Variants in SUCLG2 observed in about 807,000 individuals in gnomAD.
SUCLG2 encodes the protein succinate--CoA ligase [GDP-forming] subunit beta, mitochondrial.
Under a neutral mutation model 47.9 loss-of-function variants are expected in SUCLG2, and 42 were observed. The ratio of observed to expected loss-of-function variants is 0.88; its 90% CI spans 0.69 to 1.14. The LOEUF (loss-of-function observed/expected upper bound fraction) is 1.14. SUCLG2 is among the 50% of genes most tolerant of loss of function. SUCLG2 has a pLI of 0.00. For missense variants in SUCLG2, 571 were observed against 525.9 expected, an observed-to-expected ratio of 1.09 and a Z score of -0.84; for synonymous variants, 195 against 197.3, an observed-to-expected ratio of 0.99 and a Z score of 0.10.
At chr3:67,404,507 A>G (rs1484909172) in intron 9 of SUCLG2, among the ~76,000 whole-genome samples, 1 of 152,192 alleles carries the variant, frequency 6.6e-6, no homozygotes, top group African/African-American at 2.4e-5. Context: ...GATTTCTACA[A>G]GAAGAGCAAC....
chr3:67,533,745 T>C (rs1425167153), intron 2 of SUCLG2, among the ~76,000 whole-genome samples: 2 of 152,210 alleles, frequency 1.3e-5, no homozygotes, highest in Non-Finnish European at 2.9e-5. Context: ...GAGTTACCAA[T>C]CTTCAATCAT....
At chr3:67,362,163 A>G (rs1351039597) in intron 10 of SUCLG2, among the ~76,000 whole-genome samples, 10 of 152,276 alleles carry the variant, frequency 6.6e-5, no homozygotes, top group African/African-American at 2.4e-4. Flanking sequence ...AATCTGATAT[A>G]CTTTCCAACA....
At chr3:67,522,121 C>T (rs550773878) in intron 4 of SUCLG2, among the ~76,000 whole-genome samples, 4 of 151,994 alleles carry the variant, frequency 2.6e-5, no homozygotes, top group African/African-American at 7.3e-5. Context: ...ATGGCACAAT[C>T]GTGGCTCACT....
chr3:67,585,767 A>T (rs1707997756), intron 2 of SUCLG2, among the ~76,000 whole-genome samples: 1 of 151,994 alleles, frequency 6.6e-6, no homozygotes, highest in African/African-American at 2.4e-5. Context: ...GTTCAAGACC[A>T]GCCTGGCTGA....
intron 1 of SUCLG2, among the ~76,000 whole-genome samples, chr3:67,636,247 G>A (rs888304297): frequency 2.6e-5 from 4 of 152,122 alleles, no homozygotes; most frequent in Admixed American, 1.3e-4. Flanking sequence ...TATGCAGACA[G>A]CCTGAGAGCT....
chr3:67,397,380 C>T lies in SUCLG2; in HGVS notation c.1183+3351G>A, dbSNP rs1245345427. ...CACAAGCATTCTTATACACCAATAA[C>T]AGACAGAGAGCCAAATCATGAGTGA... On this transcript the variant is annotated intron_variant, in intron 10 of 10. Transcript: ENST00000307227. Among the ~76,000 whole-genome samples the T allele has an allele frequency of 4.6e-5, 7 of 151,926 alleles. 1 individual carries two copies. The highest frequency in any genetic ancestry group is 3.4e-3 in the Middle Eastern group (1 of 294).
At chr3:67,635,326 A>C (rs1700991392) in intron 1 of SUCLG2, among the ~76,000 whole-genome samples, 1 of 152,188 alleles carries the variant, frequency 6.6e-6, no homozygotes, top group South Asian at 2.1e-4. Flanking sequence ...AAAGCCCAAC[A>C]ACTGTGAACT....
In SUCLG2 at chr3:67,365,638, A is replaced by G. The variant is rs77320585; in HGVS notation, c.1184-4870T>C. Among the ~76,000 whole-genome samples, 158 of 152,308 alleles carry G rather than the reference A, an allele frequency of 1.0e-3. No individual in the cohort carries two copies. The East Asian group carries it at 0.029, about 28-fold the overall frequency. ...CAGTGTCCTGTTTTCATACAATCTA[A>G]CATGTATGACTAAGCATACATGTTC... On this transcript the variant is annotated intron_variant, in intron 10 of 10. Transcript: ENST00000493112.
At chr3:67,418,465 A>G (rs1375591638) in intron 9 of SUCLG2, among the ~76,000 whole-genome samples, 2 of 152,196 alleles carry the variant, frequency 1.3e-5, no homozygotes, top group African/African-American at 2.4e-5. Context: ...GGTTTATCTA[A>G]TGACAAGAGC....
intron 2 of SUCLG2, among the ~76,000 whole-genome samples, chr3:67,554,854 T>C (rs956989849): frequency 2.0e-5 from 3 of 152,148 alleles, no homozygotes. Flanking sequence ...GGTAGCCATA[T>C]ATTCAGTGAA....
chr3:67,378,306 G>C (rs1702079779), intron 10 of SUCLG2, among the ~76,000 whole-genome samples: 1 of 152,210 alleles, frequency 6.6e-6, no homozygotes, highest in Non-Finnish European at 1.5e-5. Context: ...AAGTGATGGA[G>C]TGTCACTTCT....
rs185648477 is a variant in SUCLG2 at position 67,563,533 on chromosome 3, C to T, written c.227-34347G>A. Among the ~76,000 whole-genome samples the T allele has an allele frequency of 5.3e-5, 8 of 152,238 alleles. 1 individual carries two copies. The highest frequency in any genetic ancestry group is 1.0e-4 in the Non-Finnish European group (7 of 68,018). On this transcript the variant is annotated intron_variant, in intron 2 of 10. Transcript: ENST00000307227. ...GAAGCTGTTCCCTATACACTGACCT[C>T]TAAAATATTGTTCAGTGAAAAAATG...
intron 2 of SUCLG2, among the ~76,000 whole-genome samples, chr3:67,599,887 C>CT (rs1708379678): frequency 6.6e-6 from 1 of 152,182 alleles, no homozygotes; most frequent in Non-Finnish European, 1.5e-5. Context: ...TAACACAACT[C>CT]TTTTAAACCT....
At chr3:67,409,052 A>T (rs1488672740) in intron 9 of SUCLG2, 6 of 1,533,968 alleles carry the variant, frequency 3.9e-6, no homozygotes, top group Non-Finnish European at 4.4e-6. Context: ...AAAATCAATC[A>T]GAGGTAAGAT....
intron 2 of SUCLG2, among the ~76,000 whole-genome samples, chr3:67,596,744 T>C (rs535020150): frequency 6.6e-6 from 1 of 152,306 alleles, no homozygotes; most frequent in Middle Eastern, 3.4e-3. Flanking sequence ...AGAGGTTACT[T>C]AAATCACAGG....
intron 9 of SUCLG2, among the ~76,000 whole-genome samples, chr3:67,468,465 C>A (rs766829356): frequency 2.6e-4 from 39 of 152,180 alleles, no homozygotes; most frequent in Non-Finnish European, 4.9e-4. Context: ...AAATGGCACA[C>A]TGTCAGTCCT....
intron 9 of SUCLG2, among the ~76,000 whole-genome samples, chr3:67,491,467 C>T (rs1038516614): frequency 2.0e-5 from 3 of 149,084 alleles, no homozygotes; most frequent in South Asian, 2.1e-4. Context: ...TGCGTTCAAG[C>T]AATTCTCCTG....
intron 5 of SUCLG2, among the ~76,000 whole-genome samples, chr3:67,519,227 G>T (rs1369748904): frequency 6.6e-6 from 1 of 152,162 alleles, no homozygotes; most frequent in Non-Finnish European, 1.5e-5. Context: ...GTCTGAGTGG[G>T]TGTGGTGTGT....
intron 9 of SUCLG2, chr3:67,408,618 T>A (rs776876001): frequency 4.7e-5 from 48 of 1,013,740 alleles, no homozygotes; most frequent in Non-Finnish European, 5.2e-5. Flanking sequence ...ATGGGTCTAA[T>A]TAGACTCCAA....
Sources: gnomAD v4.1 joint callset for allele counts (sites outside exome capture counted in the v4.1 genomes callset) on GRCh38, gnomAD v4.1.1 for gene constraint, MANE v1.5 for transcripts, NCBI Gene and HGNC (gene_info 2026-07-23, HGNC 2026-07-21) for gene names.